The following AKAP12 variants were observed in gnomAD, a reference collection of about 807,000 sequenced individuals.
AKAP12 encodes A-kinase anchoring protein 12.
A neutral mutation model predicts 79.9 loss-of-function variants in AKAP12; 32 were observed. The ratio of observed to expected loss-of-function variants is 0.40; its 90% CI spans 0.30 to 0.54. The LOEUF (loss-of-function observed/expected upper bound fraction) is 0.54. Ranked by LOEUF, AKAP12 falls within the 20% of genes least tolerant of loss-of-function variation. AKAP12 has a pLI of 0.48. For missense variants in AKAP12, 2,074 were observed against 2,177.0 expected (o/e 0.95, Z 0.94); for synonymous variants, 808 against 857.0 (o/e 0.94, Z 1.00).
In AKAP12 at chr6:151,348,976, T is replaced by G. The variant is rs774955524; in HGVS notation, c.585T>G (p.Thr195=). 1.9e-6 allele frequency: 3 copies of G among 1,614,040 alleles called. No homozygotes were observed. Among genetic ancestry groups the G allele is most frequent in the Non-Finnish European group, 2.5e-6 (3 of 1,179,996 alleles). Reference sequence around the variant, plus strand: ...AGGATAAGACAGAGAAGCCTGACACTGTCCAGCTACTCACTGTGAAGAAAG... The same window carrying G: ...AGGATAAGACAGAGAAGCCTGACACGGTCCAGCTACTCACTGTGAAGAAAG... ...VKKDKTEKPD[T]VQLLTVKKDE... Residue 195 remains threonine (T), a synonymous_variant, in exon 4 of 5, where the codon ACT becomes ACG. Transcript: ENST00000402676.
At chr6:151,269,116 T>C (rs946598544) in intron 2 of AKAP12, among the ~76,000 whole-genome samples, 1 of 151,872 alleles carries the variant, frequency 6.6e-6, no homozygotes, top group Admixed American at 6.6e-5. Context: ...TTAGGTGAAA[T>C]CTTTCTCACA....
In AKAP12 at chr6:151,300,177, G is replaced by C. The variant is rs145955838; in HGVS notation, c.163-5570G>C. Among the ~76,000 whole-genome samples, 443 of 152,236 alleles carry C rather than the reference G, an allele frequency of 2.9e-3. 4 individuals carry two copies. The highest frequency in any genetic ancestry group is 0.01 in the African/African-American group (418 of 41,550). ...ACACAATGAAGAGGTTTCTTTACAA[G>C]TTTTGTCGTGGGATTTAAAATTCCT... is the stretch of plus-strand genomic sequence containing the variant. On this transcript the variant is annotated intron_variant, in intron 2 of 4. Coordinates refer to ENST00000402676, the MANE Select transcript of AKAP12 (RefSeq NM_005100.4).
Position 151,350,694 on chromosome 6 carries a change from C to T in AKAP12, c.2303C>T (p.Pro768Leu), listed in dbSNP as rs749293298. The T allele has an allele frequency of 1.4e-5, 22 of 1,613,434 alleles. 1 individual carries two copies. The Admixed American group carries it at 3.7e-4, about 27-fold the overall frequency. Reference protein sequence around the residue: ...TWESFKRLVTPRKKSKSKLEE... With the variant: ...TWESFKRLVTLRKKSKSKLEE... ...GAGTCATTTAAAAGGTTAGTCACGC[C>T]AAGAAAAAAATCAAAGTCCAAGCTG... The change falls in exon 4 of 5, where the codon CCA becomes CTA. Residue 768 changes from proline (P) to leucine (L), a missense_variant. Coordinates refer to ENST00000402676, the MANE Select transcript of AKAP12 (RefSeq NM_005100.4). This position sits in a 1 kb window ranked among gnomAD's most constrained non-coding sequence, Gnocchi z 4.8.
At chr6:151,343,842 G>T in intron 3 of AKAP12, 1 of 391,330 alleles carries the variant, frequency 2.6e-6, no homozygotes, top group Non-Finnish European at 4.8e-6. Flanking sequence ...GAAGCCTTTG[G>T]ATTTAACTAT....
intron 2 of AKAP12, among the ~76,000 whole-genome samples, chr6:151,260,978 G>A (rs1797417789): frequency 6.6e-6 from 1 of 151,874 alleles, no homozygotes; most frequent in Admixed American, 6.6e-5. Context: ...CTGTGACTCA[G>A]GACCCTCTGT....
chr6:151,278,663 G>T (rs1363349709), intron 2 of AKAP12, among the ~76,000 whole-genome samples: 1 of 151,590 alleles, frequency 6.6e-6, no homozygotes, highest in Non-Finnish European at 1.5e-5. Context: ...TTAATGAACG[G>T]TAGTGTCTAG....
Position 151,255,331 on chromosome 6 carries a change from A to G in AKAP12, c.162+14607A>G, listed in dbSNP as rs550641372. 7.2e-5 allele frequency among the ~76,000 whole-genome samples: 11 copies of G among 151,882 alleles called. No homozygotes were observed. In the East Asian group the frequency reaches 1.6e-3, roughly 22 times the overall value. On this transcript the variant is annotated intron_variant, in intron 2 of 4. Transcript: ENST00000402676. ...CAGGCATGCACCACCACGCCGGCTGATTTTGTATTTTTAGTAGAGACGAGG... is the reference window on the plus strand; with the variant it reads ...CAGGCATGCACCACCACGCCGGCTGGTTTTGTATTTTTAGTAGAGACGAGG...
chr6:151,324,836 A>C (rs2114784383), intron 3 of AKAP12: 1 of 985,410 alleles, frequency 1.0e-6, no homozygotes. Flanking sequence ...ACAAACCTGA[A>C]GCTTCAATGA....
chr6:151,339,628 T>G (rs942053378), intron 3 of AKAP12, among the ~76,000 whole-genome samples: 9 of 152,194 alleles, frequency 5.9e-5, no homozygotes, highest in African/African-American at 2.2e-4. Flanking sequence ...GGGCTCACTC[T>G]TGGTGGTGTA....
intron 3 of AKAP12, among the ~76,000 whole-genome samples, chr6:151,340,006 G>C (rs2128948): frequency 2.0e-5 from 3 of 151,350 alleles, no homozygotes; most frequent in East Asian, 3.9e-4. Context: ...AGCTCACTGC[G>C]AGCCCCGTCT....
intron 2 of AKAP12, among the ~76,000 whole-genome samples, chr6:151,271,589 T>A (rs1180772353): frequency 6.6e-6 from 1 of 151,974 alleles, no homozygotes; most frequent in East Asian, 1.9e-4. Context: ...CCCAAAGTGC[T>A]GGGATTACAT....
intron 2 of AKAP12, among the ~76,000 whole-genome samples, chr6:151,244,126 T>C (rs1482009915): frequency 6.6e-6 from 1 of 152,194 alleles, no homozygotes; most frequent in Non-Finnish European, 1.5e-5. Context: ...TTAGCTCCAT[T>C]TGATTACAAG....
chr6:151,282,039 G>T (rs988476562), intron 2 of AKAP12, among the ~76,000 whole-genome samples: 3 of 151,698 alleles, frequency 2.0e-5, no homozygotes, highest in Non-Finnish European at 4.4e-5. Flanking sequence ...GCAGGAGCGG[G>T]CTGTCCTCTT....
At position 151,356,094 on chromosome 6, in the gene AKAP12, T is replaced by C. The variant is rs182461529; in HGVS notation, c.*380T>C. 6.5e-6 allele frequency: 1 copy of C among 152,778 alleles called. No homozygotes were observed. The highest frequency in any genetic ancestry group is 2.4e-5 in the African/African-American group (1 of 41,576). 9.5% of individuals were successfully genotyped at this position (152,778 alleles called of 1,614,324 possible). ...TTTTAAGTAGTCCTCCTGTATCTAT[T>C]GTATATTTTTTTCTTAATGTTTAAG... is the stretch of plus-strand genomic sequence containing the variant. On this transcript the variant is annotated 3_prime_UTR_variant, in exon 5 of 5. Coordinates refer to ENST00000402676, the MANE Select transcript of AKAP12 (RefSeq NM_005100.4).
At chr6:151,294,996 T>A (rs1053729783) in intron 2 of AKAP12, among the ~76,000 whole-genome samples, 2 of 152,208 alleles carry the variant, frequency 1.3e-5, no homozygotes, top group African/African-American at 4.8e-5. Flanking sequence ...TAAATCTGCT[T>A]AACTCTGTCT....
intron 2 of AKAP12, among the ~76,000 whole-genome samples, chr6:151,242,335 C>A (rs1034785569): frequency 3.0e-5 from 4 of 133,104 alleles, no homozygotes; most frequent in Non-Finnish European, 1.8e-5. Context: ...AATATTCCTT[C>A]CATTCTCTTT....
chr6:151,307,656 G>C (rs1777003754), intron 3 of AKAP12, among the ~76,000 whole-genome samples: 1 of 152,096 alleles, frequency 6.6e-6, no homozygotes, highest in African/African-American at 2.4e-5. Flanking sequence ...ATGTTTACTG[G>C]AGGTCTTAAG....
At chr6:151,244,464 C>T (rs1014205406) in intron 2 of AKAP12, among the ~76,000 whole-genome samples, 18 of 152,152 alleles carry the variant, frequency 1.2e-4, no homozygotes, top group African/African-American at 3.9e-4. Flanking sequence ...GCGGAGTTTG[C>T]AATGAGCCGA....
chr6:151,348,682 C>CCCCCA, intron 3 of AKAP12, 29 bp from the exon 4 acceptor site: 1 of 198,918 alleles, frequency 5.0e-6, no homozygotes, highest in Non-Finnish European at 9.9e-6. Flanking sequence ...TTCTCTTCTC[C>CCCCCA]CCACCCCCCC....
Sources: gnomAD v4.1 joint callset for allele counts (sites outside exome capture counted in the v4.1 genomes callset) on GRCh38, gnomAD v4.1.1 for gene constraint, Gnocchi (gnomAD v3.1) non-coding constraint, MANE v1.5 for transcripts, NCBI Gene and HGNC (gene_info 2026-07-23, HGNC 2026-07-21) for gene names.